AGBL1: variants seen among roughly 807,000 people sequenced by gnomAD.
AGBL1 encodes cytosolic carboxypeptidase 4.
Under a neutral mutation model 118.9 loss-of-function variants are expected in AGBL1, and 130 were observed. The observed-to-expected ratio is 1.09, with a 90% CI of 0.95 to 1.26. The LOEUF (loss-of-function observed/expected upper bound fraction) is 1.26. Among genes scored for constraint, AGBL1 ranks in the 50% most tolerant of loss-of-function variants. The pLI, the probability that AGBL1 is intolerant of heterozygous loss-of-function variation, is 0.00. For missense variants in AGBL1, 1,584 were observed against 1,298.1 expected, an observed-to-expected ratio of 1.22 and a Z score of -3.38; for synonymous variants, 555 against 478.9, an observed-to-expected ratio of 1.16 and a Z score of -2.08.
intron 16 of AGBL1, among the ~76,000 whole-genome samples, chr15:86,293,454 G>A (rs753870518): frequency 7.9e-5 from 12 of 152,166 alleles, no homozygotes; most frequent in Non-Finnish European, 1.5e-4. Flanking sequence ...GAAGACTGAG[G>A]TCTTATGGGG....
intron 18 of AGBL1, among the ~76,000 whole-genome samples, chr15:86,490,122 G>A (rs900909184): frequency 1.3e-5 from 2 of 151,964 alleles, no homozygotes; most frequent in African/African-American, 2.4e-5. Flanking sequence ...ATGACGTCCC[G>A]CTGAGCCATC....
rs780288036 is a variant in AGBL1 at position 86,636,758 on chromosome 15, T to TATACAC, written c.2995-37514_2995-37513insTACACA. Among the ~76,000 whole-genome samples the TATACAC allele has an allele frequency of 5.7e-4, 17 of 29,988 alleles. 1 individual carries two copies. The highest frequency in any genetic ancestry group is 9.1e-4 in the Non-Finnish European group (15 of 16,468). The allele number at this position is 29,988 out of a possible 152,430, so 19.7% of individuals were successfully genotyped here. A position where few individuals can be genotyped will look rare whatever the true frequency, so the allele number is the denominator to read the frequency against. On this transcript the variant is annotated intron_variant, in intron 21 of 22. Coordinates refer to ENST00000614907, the MANE Select transcript of AGBL1 (RefSeq NM_001386094.1). ...ATATATATATATATATATATATATA[T>TATACAC]ACACATACATACAGAAAGGCAAGAG...
chr15:86,620,046 A>T (rs556459668), intron 21 of AGBL1, among the ~76,000 whole-genome samples: 3 of 152,272 alleles, frequency 2.0e-5, no homozygotes, highest in African/African-American at 7.2e-5. Flanking sequence ...CTGGGTGAAG[A>T]CGGATCTCAG....
At chr15:86,716,925 T>C (rs914676935) in intron 22 of AGBL1, among the ~76,000 whole-genome samples, 4 of 152,358 alleles carry the variant, frequency 2.6e-5, no homozygotes, top group African/African-American at 9.6e-5. Flanking sequence ...TTGGGAGAAG[T>C]TGTTTTATCA....
intron 21 of AGBL1, among the ~76,000 whole-genome samples, chr15:86,601,124 C>T (rs2084486346): frequency 6.6e-6 from 1 of 152,078 alleles, no homozygotes; most frequent in Non-Finnish European, 1.5e-5. Context: ...ATGGAGGGAA[C>T]AGTTGACAGA....
At chr15:86,851,639 CAG>C (rs2079408351) in intron 22 of AGBL1, among the ~76,000 whole-genome samples, 1 of 152,194 alleles carries the variant, frequency 6.6e-6, no homozygotes, top group Non-Finnish European at 1.5e-5. Flanking sequence ...CTTCCATCCT[CAG>C]AGTCTCTAGA....
chr15:86,881,686 G>A (rs2079893530), intron 22 of AGBL1, among the ~76,000 whole-genome samples: 1 of 152,140 alleles, frequency 6.6e-6, no homozygotes, highest in Admixed American at 6.5e-5. Context: ...GCAGGCTGGA[G>A]TGCAGTGGGG....
chr15:86,264,686 T>C lies in AGBL1; in HGVS notation c.1515T>C (p.Arg505=). ...IDKLLQTHLK[R]VPFHDPYLYM... is the part of the protein sequence containing the mutation. Reference sequence around the variant, plus strand: ...AGCTTCTGCAGACACATCTGAAGCGTGTCCCTTTCCACGATCCCTATCTTT... The same window carrying C: ...AGCTTCTGCAGACACATCTGAAGCGCGTCCCTTTCCACGATCCCTATCTTT... Residue 505 remains arginine (R), a synonymous_variant, in exon 11 of 23, where the codon CGT becomes CGC. Coordinates refer to ENST00000614907, the MANE Select transcript of AGBL1 (RefSeq NM_001386094.1). The C allele has an allele frequency of 6.2e-7, 1 of 1,614,050 alleles. No individual in the cohort carries two copies. Among genetic ancestry groups the C allele is most frequent in the Non-Finnish European group, 8.5e-7 (1 of 1,179,896 alleles).
chr15:87,022,636 C>T (rs987262423), intron 24 of AGBL1, among the ~76,000 whole-genome samples: 16 of 152,026 alleles, frequency 1.1e-4, no homozygotes, highest in African/African-American at 2.2e-4. Context: ...AAAAGATCAT[C>T]GCCTAGGCAC....
chr15:86,422,128 A>C (rs969460237), intron 18 of AGBL1, among the ~76,000 whole-genome samples: 1 of 152,208 alleles, frequency 6.6e-6, no homozygotes, highest in Admixed American at 6.5e-5. Flanking sequence ...CTCGACCTCA[A>C]ATCAACAGAA....
intron 18 of AGBL1, among the ~76,000 whole-genome samples, chr15:86,413,511 T>TG: frequency 6.6e-6 from 1 of 152,198 alleles, no homozygotes. Context: ...TGGTCCCTTT[T>TG]CTCTGTTTCC....
In AGBL1 at chr15:86,530,064, C is replaced by A. The variant is rs973000540; in HGVS notation, c.2685+7125C>A. ...AACTGCATCAACTAACGAGCAAAAT[C>A]ACCAGCTAACATCATAATGACAGGA... On this transcript the variant is annotated intron_variant, in intron 19 of 22. Transcript: ENST00000614907. Among the ~76,000 whole-genome samples the A allele has an allele frequency of 4.8e-3, 631 of 130,108 alleles. 8 individuals are homozygous for A. The highest frequency in any genetic ancestry group is 6.8e-3 in the Non-Finnish European group (451 of 65,866). The allele number at this position is 130,108 out of a possible 152,430, so 85.4% of individuals were successfully genotyped here.
intron 19 of AGBL1, among the ~76,000 whole-genome samples, chr15:86,530,171 A>T (rs2083329105): frequency 7.0e-6 from 1 of 142,232 alleles, no homozygotes; most frequent in African/African-American, 3.1e-5. Flanking sequence ...GGCAAGTTGG[A>T]TAAAGAGTCA....
intron 22 of AGBL1, among the ~76,000 whole-genome samples, chr15:86,808,391 T>C (rs941556725): frequency 1.3e-5 from 2 of 152,170 alleles, no homozygotes; most frequent in South Asian, 2.1e-4. Context: ...TGAGTTGACA[T>C]AGCAAATAAG....
intron 22 of AGBL1, among the ~76,000 whole-genome samples, chr15:86,767,916 C>A (rs1011869113): frequency 1.4e-4 from 21 of 152,000 alleles, no homozygotes; most frequent in African/African-American, 1.7e-4. Context: ...CATAACTCAA[C>A]CTTTTTGGAT....
chr15:87,006,019 A>C (rs962305632), intron 24 of AGBL1, among the ~76,000 whole-genome samples: 10 of 152,202 alleles, frequency 6.6e-5, no homozygotes, highest in African/African-American at 2.2e-4. Flanking sequence ...AATATTGCTG[A>C]ACAGCAAAAG....
chr15:86,675,138 G>T (rs570653906), intron 22 of AGBL1, among the ~76,000 whole-genome samples: 1 of 152,270 alleles, frequency 6.6e-6, no homozygotes, highest in Admixed American at 6.5e-5. Flanking sequence ...ATGGAGGGGA[G>T]TCCAAGAAGC....
At chr15:86,183,139 C>T (rs1816928361) in intron 5 of AGBL1, among the ~76,000 whole-genome samples, 1 of 152,166 alleles carries the variant, frequency 6.6e-6, no homozygotes, top group East Asian at 1.9e-4. Context: ...CCAGTGTTTA[C>T]TGGTGCCTCT....
intron 17 of AGBL1, among the ~76,000 whole-genome samples, chr15:86,353,385 CGAGGA>C (rs2080662531): frequency 1.3e-5 from 2 of 152,126 alleles, no homozygotes; most frequent in Non-Finnish European, 2.9e-5. Context: ...TTCTTAATAG[CGAGGA>C]TGTATCTAAT....
Sources: gnomAD v4.1 joint callset for allele counts (sites outside exome capture counted in the v4.1 genomes callset) on GRCh38, gnomAD v4.1.1 for gene constraint, MANE v1.5 for transcripts, NCBI Gene and HGNC (gene_info 2026-07-23, HGNC 2026-07-21) for gene names.